The following GPR158 variants were observed in gnomAD, a reference collection of about 807,000 sequenced individuals.
The protein encoded by GPR158 is G protein-coupled receptor 158.
GPR158 carries 30 observed loss-of-function variants against 78.2 expected under a neutral mutation model. The ratio of observed to expected loss-of-function variants is 0.38; its 90% CI spans 0.29 to 0.52. The LOEUF (loss-of-function observed/expected upper bound fraction) is 0.52. Ranked by LOEUF, GPR158 falls within the 20% of genes least tolerant of loss-of-function variation. The probability of loss-of-function intolerance (pLI) is 0.83; values close to 1 mark genes in which losing one functional copy is unlikely to be tolerated. For missense variants in GPR158, 1,463 were observed against 1,523.5 expected (o/e 0.96, Z 0.66); for synonymous variants, 581 against 591.1 (o/e 0.98, Z 0.25).
At chr10:25,345,222 G>C (rs1173270789) in intron 2 of GPR158, among the ~76,000 whole-genome samples, 1 of 151,864 alleles carries the variant, frequency 6.6e-6, no homozygotes, top group Non-Finnish European at 1.5e-5. Context: ...AGAGACAAAG[G>C]GACCCTCTTG....
At chr10:25,452,984 T>C (rs75662805) in intron 4 of GPR158, among the ~76,000 whole-genome samples, 1 of 152,216 alleles carries the variant, frequency 6.6e-6, no homozygotes. Context: ...GCAGTATTTG[T>C]CTTTCTCTGT....
rs746838788 is a variant in GPR158 at position 25,598,294 on chromosome 10, A to G, written c.2668A>G (p.Lys890Glu). 1 of 1,614,110 alleles carries G rather than the reference A, an allele frequency of 6.2e-7. No individual in the cohort carries two copies. The highest frequency in any genetic ancestry group is 1.1e-5 in the South Asian group (1 of 91,066). The stretch of plus-strand genomic sequence containing the variant: ...CGCTCACAACCTCAGCTCAGAGAAG[A>G]AAACTGGGCACCCACGAACATCGAT... ...ASAHNLSSEK[K>E]TGHPRTSMLQ... The change falls in exon 11 of 11, where the codon AAA becomes GAA. Residue 890 changes from lysine (K) to glutamate (E), a missense_variant. Transcript: ENST00000376351.
chr10:25,558,453 G>A (rs1836815570), intron 6 of GPR158, among the ~76,000 whole-genome samples: 1 of 152,144 alleles, frequency 6.6e-6, no homozygotes, highest in Non-Finnish European at 1.5e-5. Context: ...CAGCAAAACG[G>A]GGAGGGGCAG....
At chr10:25,369,175 A>C (rs554523738) in intron 2 of GPR158, among the ~76,000 whole-genome samples, 1,717 of 151,282 alleles carry the variant, frequency 0.011, 5 homozygotes, top group Non-Finnish European at 0.016. Flanking sequence ...CTCCTGCCTA[A>C]TTGCCCTGGC....
At chr10:25,202,474 A>G (rs143784798) in intron 1 of GPR158, among the ~76,000 whole-genome samples, 3,558 of 152,084 alleles carry the variant, frequency 0.023, 48 homozygotes, top group Middle Eastern at 0.037. Flanking sequence ...TCATTGTTCA[A>G]TTCCCACCTA....
intron 4 of GPR158, 93 bp downstream of exon 4, chr10:25,412,566 TC>T: frequency 1.3e-6 from 1 of 797,762 alleles, no homozygotes; most frequent in East Asian, 2.4e-5. Flanking sequence ...GTTGCTTCCC[TC>T]CTAAGCAGCA....
chr10:25,456,541 TG>T (rs1835293822), intron 4 of GPR158, among the ~76,000 whole-genome samples: 1 of 152,228 alleles, frequency 6.6e-6, no homozygotes, highest in Non-Finnish European at 1.5e-5. Flanking sequence ...AACCAGTTGA[TG>T]GGCTGTTTTG....
At chr10:25,462,971 A>T (rs1053028996) in intron 4 of GPR158, among the ~76,000 whole-genome samples, 1 of 152,234 alleles carries the variant, frequency 6.6e-6, no homozygotes, top group African/African-American at 2.4e-5. Flanking sequence ...TGTAGGTAAC[A>T]TGCTATCAAA....
At chr10:25,222,348 C>G (rs1468146708) in intron 2 of GPR158, among the ~76,000 whole-genome samples, 1 of 145,720 alleles carries the variant, frequency 6.9e-6, no homozygotes, top group Non-Finnish European at 1.5e-5. Flanking sequence ...CCGTAATGCT[C>G]CCATATCCCT....
At chr10:25,498,731 A>C (rs1170456567) in intron 5 of GPR158, among the ~76,000 whole-genome samples, 1 of 152,176 alleles carries the variant, frequency 6.6e-6, no homozygotes, top group East Asian at 1.9e-4. Flanking sequence ...ACTGTCTGTC[A>C]CCTGGGCAGC....
At chr10:25,278,249 T>C (rs1166181618) in intron 2 of GPR158, among the ~76,000 whole-genome samples, 1 of 152,086 alleles carries the variant, frequency 6.6e-6, no homozygotes, top group Non-Finnish European at 1.5e-5. Context: ...AAATATGCCA[T>C]GCAGATTTAA....
rs1275044477 is a variant in GPR158, at chr10:25,310,133, C to G, written c.1009-85778C>G. ...TTTTGCCTGTGGATATTCAGTTTTC[C>G]CAACAGCATTTGTTGAAAAGACTGT... is the stretch of plus-strand genomic sequence containing the variant. On this transcript the variant is annotated intron_variant, in intron 2 of 10. Transcript: ENST00000376351. Among the ~76,000 whole-genome samples, 5 of 152,214 alleles carry G rather than the reference C, an allele frequency of 3.3e-5. No homozygotes were observed. The South Asian group carries it at 1.0e-3, about 32-fold the overall frequency.
intron 2 of GPR158, among the ~76,000 whole-genome samples, chr10:25,255,937 C>T (rs982860065): frequency 6.6e-6 from 1 of 152,096 alleles, no homozygotes; most frequent in Non-Finnish European, 1.5e-5. Context: ...ATGGTGTGTG[C>T]AAGAGGAAGG....
intron 2 of GPR158, among the ~76,000 whole-genome samples, chr10:25,373,498 T>C (rs1223286746): frequency 1.3e-5 from 2 of 152,004 alleles, no homozygotes; most frequent in African/African-American, 2.4e-5. Flanking sequence ...TTCTTATTTA[T>C]GTATCTTCTT....
Position 25,544,567 on chromosome 10 carries a change from G to A in GPR158, c.1405-6409G>A, listed in dbSNP as rs139545839. On this transcript the variant is annotated intron_variant, in intron 5 of 10. Coordinates refer to ENST00000376351, the MANE Select transcript of GPR158 (RefSeq NM_020752.3). ...TGGTACATAAAAATGATAGCTATCA[G>A]TATATCACTATTATCATAATTCATA... is the stretch of plus-strand genomic sequence containing the variant. Among the ~76,000 whole-genome samples, 256 of 152,222 alleles carry A rather than the reference G, an allele frequency of 1.7e-3. 1 individual carries two copies. The Middle Eastern group carries it at 0.017, about 10-fold the overall frequency.
At chr10:25,276,751 C>T (rs1296858440) in intron 2 of GPR158, among the ~76,000 whole-genome samples, 1 of 152,036 alleles carries the variant, frequency 6.6e-6, no homozygotes, top group Non-Finnish European at 1.5e-5. Context: ...AAGAAAAATG[C>T]TTTTTCTGAA....
intron 5 of GPR158, among the ~76,000 whole-genome samples, chr10:25,534,643 A>G (rs559589291): frequency 6.6e-6 from 1 of 151,930 alleles, no homozygotes; most frequent in Admixed American, 6.6e-5. Flanking sequence ...AATCTCAACT[A>G]TTTGGGAAGC....
intron 5 of GPR158, among the ~76,000 whole-genome samples, chr10:25,483,296 C>A (rs1426762983): frequency 1.3e-5 from 2 of 152,040 alleles, no homozygotes; most frequent in Non-Finnish European, 2.9e-5. Context: ...TTTCCAGTAA[C>A]ACTGGGCTCT....
intron 5 of GPR158, among the ~76,000 whole-genome samples, chr10:25,502,393 CTG>C (rs948525312): frequency 2.6e-5 from 4 of 152,158 alleles, no homozygotes; most frequent in African/African-American, 4.8e-5. Context: ...ACTGAGGTAA[CTG>C]TGGGGTACAA....
Sources: allele counts gnomAD v4.1 joint callset (sites outside exome capture counted in the v4.1 genomes callset), GRCh38; gene constraint gnomAD v4.1.1; transcripts MANE v1.5; gene names NCBI Gene and HGNC (gene_info 2026-07-23, HGNC 2026-07-21).